ADAM22: variants seen among roughly 807,000 people sequenced by gnomAD.
The protein encoded by ADAM22 is disintegrin and metalloproteinase domain-containing protein 22.
ADAM22 carries 65 observed loss-of-function variants against 144.6 expected under a neutral mutation model. That is an observed-to-expected ratio of 0.45 (90% CI 0.37 to 0.55). The LOEUF is 0.55. ADAM22 is among the 20% of genes least tolerant of loss of function. The pLI, the probability that ADAM22 is intolerant of heterozygous loss-of-function variation, is 0.00. For synonymous variants in ADAM22, 391 were observed against 412.6 expected (o/e 0.95, Z 0.63); for missense variants, 974 against 1,184.9 (o/e 0.82, Z 2.61).
chr7:88,166,551 C>G (rs780680928), intron 24 of ADAM22, among the ~76,000 whole-genome samples: 3 of 152,024 alleles, frequency 2.0e-5, no homozygotes, highest in Non-Finnish European at 4.4e-5. Context: ...AAATGTCCCC[C>G]TTTAAAATAT....
chr7:88,107,034 G>GA (rs1274951408), intron 4 of ADAM22, among the ~76,000 whole-genome samples: 1 of 152,030 alleles, frequency 6.6e-6, no homozygotes, highest in Non-Finnish European at 1.5e-5. Flanking sequence ...GCTGGTTTCA[G>GA]AAAAGAATAG....
intron 22 of ADAM22, among the ~76,000 whole-genome samples, chr7:88,162,422 A>G (rs367786270): frequency 1.4e-4 from 22 of 152,166 alleles, no homozygotes; most frequent in African/African-American, 4.8e-4. Context: ...ATTCTGCACG[A>G]CAAACCCTCA....
chr7:88,035,320 C>T (rs965528338), intron 3 of ADAM22, among the ~76,000 whole-genome samples: 29 of 152,206 alleles, frequency 1.9e-4, no homozygotes, highest in African/African-American at 7.0e-4. Context: ...TTGGCTTGGG[C>T]CCTAGATCCA....
chr7:87,997,963 T>G (rs1276799499), intron 3 of ADAM22, among the ~76,000 whole-genome samples: 2 of 151,984 alleles, frequency 1.3e-5, no homozygotes, highest in African/African-American at 4.8e-5. Context: ...ACCTCAAAAG[T>G]AGGGAAGCTG....
chr7:87,992,320 G>A (rs908522574), intron 3 of ADAM22, among the ~76,000 whole-genome samples: 7 of 152,134 alleles, frequency 4.6e-5, no homozygotes, highest in African/African-American at 1.7e-4. Context: ...GGGAGGCTAA[G>A]ATGCTTTGTT....
chr7:87,935,203 G>A lies in ADAM22; in HGVS notation c.246+17G>A. ...GGCCCGCAGGTGAGAGGCTCGGTCC[G>A]GGAGGTGGTCCTCCGCGCCTCCCGG... On this transcript the variant is annotated intron_variant, in intron 2 of 31. Transcript: ENST00000413139. 2 of 1,573,378 alleles carry A rather than the reference G, an allele frequency of 1.3e-6. No individual in the cohort carries two copies. Among genetic ancestry groups the A allele is most frequent in the Non-Finnish European group, 1.7e-6 (2 of 1,159,720 alleles).
chr7:87,968,386 A>G (rs1233228082), intron 2 of ADAM22, among the ~76,000 whole-genome samples: 2 of 152,100 alleles, frequency 1.3e-5, no homozygotes, highest in Non-Finnish European at 1.5e-5. Context: ...AAGTTTCCCA[A>G]GGTAGTCTGG....
chr7:88,083,841 G>A (rs998267359), intron 4 of ADAM22, among the ~76,000 whole-genome samples: 17 of 151,918 alleles, frequency 1.1e-4, no homozygotes, highest in African/African-American at 3.4e-4. Flanking sequence ...TTATATTACT[G>A]CCTCCCTACA....
chr7:88,196,431 G>C lies in ADAM22; in HGVS notation c.2875-40G>C, dbSNP rs373347049. On this transcript the variant is annotated intron_variant, in intron 31 of 31. Coordinates refer to ENST00000413139, the MANE Select transcript of ADAM22 (RefSeq NM_001324418.2). ...CCTATTCAGAATACATCTGCTTCCT[G>C]CTTTCACAATGTGCAATTTTGCTCT... 1.2e-5 allele frequency: 19 copies of C among 1,612,568 alleles called. No homozygotes were observed. In the African/African-American group the frequency reaches 2.4e-4, roughly 20 times the overall value.
chr7:88,027,590 T>C (rs996702137), intron 3 of ADAM22, among the ~76,000 whole-genome samples: 1 of 152,176 alleles, frequency 6.6e-6, no homozygotes, highest in African/African-American at 2.4e-5. Context: ...TTCTCTTTTT[T>C]TTCCCCCATT....
At chr7:88,140,119 A>G (rs948076108) in intron 14 of ADAM22, among the ~76,000 whole-genome samples, 1 of 152,094 alleles carries the variant, frequency 6.6e-6, no homozygotes, top group African/African-American at 2.4e-5. Flanking sequence ...GCTCTTTTTA[A>G]CAACCGAATC....
At chr7:88,064,652 T>C (rs1202305534) in intron 3 of ADAM22, among the ~76,000 whole-genome samples, 1 of 152,140 alleles carries the variant, frequency 6.6e-6, no homozygotes, top group East Asian at 1.9e-4. Flanking sequence ...ATGCTTTGTT[T>C]TCACGTGGCA....
intron 2 of ADAM22, among the ~76,000 whole-genome samples, chr7:87,977,034 G>T (rs1852056964): frequency 6.6e-6 from 1 of 152,006 alleles, no homozygotes. Flanking sequence ...AGATTTAGTT[G>T]GGGCTGGGTA....
chr7:88,168,211 A>G lies in ADAM22; in HGVS notation c.2266A>G (p.Thr756Ala), dbSNP rs765403251. Reference sequence around the variant, plus strand: ...AGTGCTGGCCCTCATATTAGGAATAACTGCGTGGGGTTATAAGTAAGTGAA... The same window carrying G: ...AGTGCTGGCCCTCATATTAGGAATAGCTGCGTGGGGTTATAAGTAAGTGAA... ...ILVLALILGI[T>A]AWGYKNYREQ... is the part of the protein sequence containing the mutation. Residue 756 changes from threonine (T) to alanine (A), a missense_variant, in exon 25 of 32, where the codon ACT becomes GCT. Physicochemically the swap from Thr to Ala is moderately conservative, Grantham distance 58 (BLOSUM62 0). Around this residue, in one of 2 missense-constraint regions of ADAM22, gnomAD observed 734 missense variants for 950.6 expected, o/e 0.77. Coordinates refer to ENST00000413139, the MANE Select transcript of ADAM22 (RefSeq NM_001324418.2). 1.9e-6 allele frequency: 3 copies of G among 1,612,996 alleles called. No homozygotes were observed. The highest frequency in any genetic ancestry group is 2.2e-5 in the East Asian group (1 of 44,832).
chr7:88,019,168 C>G (rs1797190163), intron 3 of ADAM22, among the ~76,000 whole-genome samples: 1 of 152,066 alleles, frequency 6.6e-6, no homozygotes. Context: ...TATCCATTAG[C>G]CCTTCTGAAA....
chr7:88,100,540 G>A (rs1004097197), intron 4 of ADAM22, among the ~76,000 whole-genome samples: 4 of 152,148 alleles, frequency 2.6e-5, no homozygotes, highest in Admixed American at 1.3e-4. Context: ...TGTGAATCCA[G>A]TCTGATTCTG....
chr7:88,063,957 A>G (rs1810545526), intron 3 of ADAM22, among the ~76,000 whole-genome samples: 1 of 152,190 alleles, frequency 6.6e-6, no homozygotes, highest in African/African-American at 2.4e-5. Flanking sequence ...CTCCACCAAA[A>G]TAAGAGGGAG....
At chr7:88,123,454 T>C (rs1829760913) in intron 7 of ADAM22, among the ~76,000 whole-genome samples, 8 of 152,074 alleles carry the variant, frequency 5.3e-5, no homozygotes, top group Admixed American at 5.2e-4. Flanking sequence ...TTTCTATATA[T>C]ACACACGTTC....
At chr7:88,090,966 A>C (rs1327611943) in intron 4 of ADAM22, among the ~76,000 whole-genome samples, 3 of 152,198 alleles carry the variant, frequency 2.0e-5, no homozygotes, top group Non-Finnish European at 4.4e-5. Context: ...CTCGTTCAAG[A>C]ACTGTGATAT....
Sources: allele counts gnomAD v4.1 joint callset (sites outside exome capture counted in the v4.1 genomes callset), GRCh38; gene constraint gnomAD v4.1.1; regional missense constraint gnomAD v4.1.1; transcripts MANE v1.5; gene names NCBI Gene and HGNC (gene_info 2026-07-23, HGNC 2026-07-21).